Variants in TP53I13 observed in about 807,000 individuals in gnomAD.
TP53I13 encodes the protein tumor protein p53-inducible protein 13.
TP53I13 carries 27 observed loss-of-function variants against 39.1 expected under a neutral mutation model. That is an observed-to-expected ratio of 0.69 (90% confidence interval 0.51 to 0.95). The LOEUF is 0.95. Among genes scored for constraint, TP53I13 ranks in the 40% least tolerant of loss-of-function variants. The pLI, the probability that TP53I13 is intolerant of heterozygous loss-of-function variation, is 0.00. For synonymous variants in TP53I13, 230 were observed against 224.6 expected (o/e 1.02, Z -0.22); for missense variants, 544 against 520.4 (o/e 1.05, Z -0.44).
rs2033022385 is a variant in TP53I13, at chr17:29,572,948, C to A, written c.*24C>A. 3 of 1,398,214 alleles carry A rather than the reference C, an allele frequency of 2.1e-6. No homozygotes were observed. Among genetic ancestry groups the A allele is most frequent in the African/African-American group, 3.0e-5 (2 of 66,112 alleles). The allele number at this position is 1,398,214 out of a possible 1,614,324, so 86.6% of individuals were successfully genotyped here. A position where few individuals can be genotyped will look rare whatever the true frequency, so the allele number is the denominator to read the frequency against. ...GACGGCCTGGGACCTGCCACTGTGG[C>A]GTGCGGCTCCTCCCCGCGCCGCGAG... On this transcript the variant is annotated 3_prime_UTR_variant, in exon 7 of 7. Coordinates refer to ENST00000301057, the MANE Select transcript of TP53I13 (RefSeq NM_138349.4).
Position 29,572,258 on chromosome 17 carries a change from C to G in TP53I13, c.630C>G (p.Ala210=). The G allele has an allele frequency of 1.2e-6, 2 of 1,612,806 alleles. No homozygotes were observed. Among genetic ancestry groups the G allele is most frequent in the Non-Finnish European group, 1.7e-6 (2 of 1,179,998 alleles). ...CCAAGAGGCGGAGGCTGCGGGCTGC[C>G]CTTGGTCCCCAGCCCACTCGCTCAG... ...SGAKRRRLRA[A]LGPQPTRSAL... Residue 210 remains alanine, a synonymous_variant, in exon 6 of 7, where the codon GCC becomes GCG. Transcript: ENST00000301057.
At chr17:29,575,769 C>G, downstream of TP53I13, 1 of 1,605,756 alleles carries the variant, frequency 6.2e-7, no homozygotes, top group African/African-American at 1.3e-5. The surrounding 1 kb of genome is among the most constrained non-coding windows in gnomAD (Gnocchi z 5.5). Flanking sequence ...CTAGCCCACA[C>G]GGCCCCCAGC....
downstream of TP53I13, chr17:29,574,813 G>T (rs762322741): frequency 6.2e-7 from 1 of 1,611,402 alleles, no homozygotes; most frequent in African/African-American, 1.3e-5. Flanking sequence ...CCACTGGGGC[G>T]CCGGGCTCTG....
upstream of TP53I13, chr17:29,566,433 G>C (rs757344588): frequency 6.2e-7 from 1 of 1,612,482 alleles, no homozygotes; most frequent in Admixed American, 1.7e-5. Flanking sequence ...GGGCGAGCAA[G>C]CAAAGGCCGA....
chr17:29,577,364 T>C (rs1220212936), downstream of TP53I13: 13 of 824,158 alleles, frequency 1.6e-5, no homozygotes, highest in South Asian at 3.2e-5. Context: ...AGCTAAAGCG[T>C]CCCAGCCTAG....
In TP53I13 at chr17:29,571,997, G is replaced by A. The variant is rs1449479040; in HGVS notation, c.453G>A (p.Gly151=). Residue 151 remains glycine, a synonymous_variant, in exon 5 of 7, where the codon GGG becomes GGA. Transcript: ENST00000301057. The part of the protein sequence containing the change: ...KAWIYCESLS[G]PAPSEPTPGR... ...GGATCTACTGTGAAAGCCTTTCAGGGCCTGCTCCCTCCGAGCCAACTCCCG... is the reference window on the plus strand; with the variant it reads ...GGATCTACTGTGAAAGCCTTTCAGGACCTGCTCCCTCCGAGCCAACTCCCG... The A allele has an allele frequency of 1.2e-6, 2 of 1,613,178 alleles. No homozygotes were observed. The highest frequency in any genetic ancestry group is 2.2e-5 in the East Asian group (1 of 44,880).
At chr17:29,575,611 G>C (rs777128960), downstream of TP53I13, 1 of 1,608,382 alleles carries the variant, frequency 6.2e-7, no homozygotes, top group African/African-American at 1.3e-5. The surrounding 1 kb of genome is among the most constrained non-coding windows in gnomAD (Gnocchi z 5.5). Context: ...GGCTGGACTG[G>C]AGACCCAGGG....
At chr17:29,566,931 C>T, upstream of TP53I13, 2 of 1,454,486 alleles carry the variant, frequency 1.4e-6, no homozygotes, top group East Asian at 3.0e-5. Flanking sequence ...CGAGCACGGC[C>T]AAGATGAGCG....
the TP53I13 span, chr17:29,579,065 T>G: frequency 1.5e-6 from 2 of 1,330,102 alleles, no homozygotes; most frequent in Middle Eastern, 1.8e-4. Context: ...AGCACACGCC[T>G]TTTCACATCA....
At chr17:29,566,671 G>C, upstream of TP53I13, 1 of 1,598,674 alleles carries the variant, frequency 6.3e-7, no homozygotes, top group Non-Finnish European at 8.5e-7. Context: ...GGAGAACCAG[G>C]AGCGCGGGCC....
chr17:29,575,246 A>C (rs2033148476), downstream of TP53I13: 1 of 1,583,520 alleles, frequency 6.3e-7, no homozygotes, highest in African/African-American at 1.3e-5. The surrounding 1 kb of genome is among the most constrained non-coding windows in gnomAD (Gnocchi z 5.5). Flanking sequence ...CCTAGAAGCC[A>C]ACAGGAACTG....
intron 3 of TP53I13, chr17:29,570,948 CCCT>C (rs1232815204): frequency 5.9e-5 from 9 of 152,472 alleles, no homozygotes; most frequent in African/African-American, 1.7e-4. Flanking sequence ...TTTATTCCTC[CCCT>C]CCTCCTCTGA....
upstream of TP53I13, chr17:29,566,360 T>G: frequency 6.2e-7 from 1 of 1,610,906 alleles, no homozygotes; most frequent in South Asian, 1.1e-5. Context: ...AGCCGGGGGC[T>G]GACCAGTGGG....
downstream of TP53I13, chr17:29,576,671 T>C (rs531564696): frequency 6.6e-5 from 107 of 1,613,786 alleles, no homozygotes; most frequent in Non-Finnish European, 8.8e-5. Context: ...GAGGAGTCCA[T>C]GCTCTGCAGA....
At chr17:29,578,377 G>A in the TP53I13 span, 4 of 1,613,824 alleles carry the variant, frequency 2.5e-6, no homozygotes, top group Non-Finnish European at 3.4e-6. Context: ...CTGAGCTGGA[G>A]GAAGAGAGGG....
chr17:29,566,719 A>T, upstream of TP53I13: 1 of 1,576,982 alleles, frequency 6.3e-7, no homozygotes. Flanking sequence ...GGCGCGCAGC[A>T]GGCACTGGGC....
chr17:29,577,421 ATAGAG>A (rs750302449), downstream of TP53I13, among the ~76,000 whole-genome samples: 12 of 152,110 alleles, frequency 7.9e-5, no homozygotes, highest in Non-Finnish European at 1.2e-4. Flanking sequence ...GCAGGGTATG[ATAGAG>A]TAGGGTGCCT....
downstream of TP53I13, chr17:29,576,437 T>A: frequency 1.9e-6 from 3 of 1,612,780 alleles, no homozygotes; most frequent in Non-Finnish European, 1.7e-6. Context: ...GTTCTCCGCC[T>A]GCAGCTTGTG....
the TP53I13 span, among the ~76,000 whole-genome samples, chr17:29,580,368 C>T: frequency 2.0e-5 from 3 of 152,228 alleles, no homozygotes; most frequent in Non-Finnish European, 4.4e-5. Context: ...ATCTGAGTCG[C>T]CCAGGCCTGG....
Sources: allele counts gnomAD v4.1 joint callset (sites outside exome capture counted in the v4.1 genomes callset), GRCh38; gene constraint gnomAD v4.1.1; non-coding constraint Gnocchi (gnomAD v3.1); transcripts MANE v1.5; gene names NCBI Gene and HGNC (gene_info 2026-07-23, HGNC 2026-07-21).